POLR1C: variants seen among roughly 807,000 people sequenced by gnomAD.
POLR1C encodes the protein RNA polymerase I and III subunit C.
In POLR1C, 42 loss-of-function variants were observed where a neutral mutation model predicts 38.3. The observed-to-expected ratio is 1.10, with a 90% CI of 0.86 to 1.42. The LOEUF (loss-of-function observed/expected upper bound fraction) is 1.42, where lower values mean the gene tolerates loss of function less well. POLR1C is among the 40% of genes most tolerant of loss of function. POLR1C has a pLI of 0.00. For missense variants in POLR1C, 507 were observed against 450.5 expected (o/e 1.13, Z -1.14); for synonymous variants, 163 against 163.9 (o/e 0.99, Z 0.04).
intron 10 of POLR1C, chr6:43,556,022 A>T: frequency 5.0e-6 from 8 of 1,590,478 alleles, no homozygotes; most frequent in Non-Finnish European, 6.9e-6. Context: ...TAAAATAAGT[A>T]CTTAATGTTT....
intron 9 of POLR1C, chr6:43,549,677 A>G: frequency 7.2e-7 from 1 of 1,396,016 alleles, no homozygotes; most frequent in Non-Finnish European, 9.8e-7. Context: ...CAAATTCACA[A>G]TGATTTTTCA....
chr6:43,537,675 T>C (rs1449663193), intron 9 of POLR1C, among the ~76,000 whole-genome samples: 2 of 152,174 alleles, frequency 1.3e-5, no homozygotes, highest in African/African-American at 2.4e-5. Context: ...TAAAGGAAAG[T>C]AGACAAGATC....
At chr6:43,560,395 G>A in intron 10 of POLR1C, 1 of 1,420,464 alleles carries the variant, frequency 7.0e-7, no homozygotes, top group South Asian at 1.4e-5. Flanking sequence ...TTTTTTCATA[G>A]AAATAAATCT....
downstream of POLR1C, chr6:43,524,907 C>T: frequency 6.2e-7 from 1 of 1,614,024 alleles, no homozygotes; most frequent in Non-Finnish European, 8.5e-7. Flanking sequence ...CATCTGTAAG[C>T]CTTTCAGCAC....
intron 9 of POLR1C, among the ~76,000 whole-genome samples, chr6:43,544,866 ATTAT>A (rs151137102): frequency 6.6e-5 from 10 of 151,800 alleles, no homozygotes; most frequent in African/African-American, 1.9e-4. Flanking sequence ...AAAAGAAAAT[ATTAT>A]TTATTTATTT....
intron 8 of POLR1C, chr6:43,527,477 T>G (rs990323782): frequency 3.0e-6 from 2 of 665,670 alleles, no homozygotes; most frequent in Non-Finnish European, 5.1e-6. Context: ...TTTCACCATG[T>G]TGGCCAGGAT....
At chr6:43,551,344 G>A (rs1356404064) in intron 10 of POLR1C, 1 of 1,613,832 alleles carries the variant, frequency 6.2e-7, no homozygotes, top group Non-Finnish European at 8.5e-7. Flanking sequence ...GGTGACAAAT[G>A]GAAAGAGTGC....
chr6:43,531,182 G>A (rs941171496), downstream of POLR1C, among the ~76,000 whole-genome samples: 1 of 152,106 alleles, frequency 6.6e-6, no homozygotes, highest in African/African-American at 2.4e-5. Flanking sequence ...AGCAGTGTAG[G>A]GTCTAAGCAA....
chr6:43,553,310 A>C (rs1795341657), intron 10 of POLR1C: 1 of 1,538,976 alleles, frequency 6.5e-7, no homozygotes, highest in African/African-American at 1.4e-5. Context: ...CCAAAATAGA[A>C]AGAGAAAAGA....
At chr6:43,558,447 T>C in intron 10 of POLR1C, 2 of 1,466,394 alleles carry the variant, frequency 1.4e-6, no homozygotes, top group South Asian at 2.6e-5. Context: ...TGATTCATAA[T>C]ACTAGATGCC....
At chr6:43,561,857 T>G (rs1166133364) in exon 11 of POLR1C, 1 of 157,912 alleles carries the variant, frequency 6.3e-6, no homozygotes, top group East Asian at 1.9e-4. Context: ...AGTTTTCTTT[T>G]GTGCTCCAAT....
At chr6:43,545,689 CAAAGTGA>C (rs1794930943) in intron 9 of POLR1C, among the ~76,000 whole-genome samples, 1 of 151,036 alleles carries the variant, frequency 6.6e-6, no homozygotes, top group African/African-American at 2.5e-5. Context: ...GCCTGGGTGA[CAAAGTGA>C]GACTCTGTCT....
chr6:43,522,533 A>T, downstream of POLR1C: 1 of 245,068 alleles, frequency 4.1e-6, no homozygotes, highest in Non-Finnish European at 9.2e-6. Context: ...TTGGAGGGAA[A>T]CACTCTTGAG....
rs1305006253 is a variant in POLR1C at position 43,519,737 on chromosome 6, T to C, written c.281T>C (p.Val94Ala). 7 of 1,614,070 alleles carry C rather than the reference T, an allele frequency of 4.3e-6. No homozygotes were observed. Among genetic ancestry groups the C allele is most frequent in the Non-Finnish European group, 5.9e-6 (7 of 1,180,034 alleles). ...VPTMAVEKVL[V>A]YNNTSIVQDE... ...ACTATGGCTGTGGAGAAGGTCCTGGTGTACAATAATACATCCATTGTTCAG... is the reference window on the plus strand; with the variant it reads ...ACTATGGCTGTGGAGAAGGTCCTGGCGTACAATAATACATCCATTGTTCAG... Residue 94 changes from valine (V) to alanine (A), a missense_variant, in exon 4 of 9, where the codon GTG (valine) becomes GCG (alanine). Transcript: ENST00000642195.
intron 10 of POLR1C, among the ~76,000 whole-genome samples, chr6:43,559,344 C>T (rs1762281931): frequency 6.6e-6 from 1 of 152,144 alleles, no homozygotes; most frequent in Non-Finnish European, 1.5e-5. Flanking sequence ...AGGCAAATTC[C>T]TTAAGAAAAT....
intron 9 of POLR1C, among the ~76,000 whole-genome samples, chr6:43,535,285 C>T (rs975364143): frequency 6.6e-6 from 1 of 151,442 alleles, no homozygotes; most frequent in Non-Finnish European, 1.5e-5. Context: ...CAACAAAACC[C>T]CAAAAAACAG....
At chr6:43,542,831 C>T (rs1197053902) in intron 9 of POLR1C, among the ~76,000 whole-genome samples, 1 of 152,126 alleles carries the variant, frequency 6.6e-6, no homozygotes, top group African/African-American at 2.4e-5. Context: ...ACAGAAAATA[C>T]ACATTTCTTA....
intron 8 of POLR1C, 22 bp from the exon 9 acceptor site, chr6:43,521,160 A>AAAG (rs766394808): frequency 1.9e-6 from 3 of 1,613,172 alleles, no homozygotes; most frequent in African/African-American, 1.3e-5. Context: ...TGCCTAGACT[A>AAAG]AAGTGTCTCT....
intron 9 of POLR1C, among the ~76,000 whole-genome samples, chr6:43,542,470 C>T (rs1794747390): frequency 6.6e-6 from 1 of 152,064 alleles, no homozygotes; most frequent in Admixed American, 6.5e-5. Context: ...AGTACGGTAA[C>T]ATGATCTCAG....
Sources: gnomAD v4.1 joint callset for allele counts (sites outside exome capture counted in the v4.1 genomes callset) on GRCh38, gnomAD v4.1.1 for gene constraint, MANE v1.5 for transcripts, NCBI Gene and HGNC (gene_info 2026-07-23, HGNC 2026-07-21) for gene names.